SLC1A6: variants seen among roughly 807,000 people sequenced by gnomAD.
SLC1A6 encodes solute carrier family 1 member 6, also known as excitatory amino acid transporter 4.
In SLC1A6, 15 loss-of-function variants were observed where a neutral mutation model predicts 42.1. The ratio of observed to expected loss-of-function variants is 0.36; its 90% CI spans 0.24 to 0.55. SLC1A6 has a LOEUF of 0.55. SLC1A6 is among the 20% of genes least tolerant of loss of function. The pLI, the probability that SLC1A6 is intolerant of heterozygous loss-of-function variation, is 0.88. For synonymous variants in SLC1A6, 317 were observed against 319.7 expected, an observed-to-expected ratio of 0.99 and a Z score of 0.09; for missense variants, 542 against 772.5, an observed-to-expected ratio of 0.70 and a Z score of 3.54.
rs551561031 is a variant in SLC1A6 at position 14,964,323 on chromosome 19, T to A, written c.587A>T (p.Lys196Ile). 4 of 1,613,798 alleles carry A rather than the reference T, an allele frequency of 2.5e-6. No individual in the cohort carries two copies. In the South Asian group the frequency reaches 4.4e-5, roughly 18 times the overall value. Residue 196 changes from lysine to isoleucine, a missense_variant, in exon 5 of 10, where the codon AAA becomes ATA. By Grantham distance (102) the Lys-to-Ile change is moderately radical (BLOSUM62 -3). Transcript: ENST00000594383. ...AACTGTGTACTTCCCCCTGACCTGTTTGAAGCAGGCCTCCACAAGGTTTGG... is the reference window on the plus strand; with the variant it reads ...AACTGTGTACTTCCCCCTGACCTGTATGAAGCAGGCCTCCACAAGGTTTGG... The part of the protein sequence containing the change: ...FPPNLVEACF[K>I]QFKTQYSTRV...
At chr19:14,988,141 A>G (rs1336056550) in intron 1 of SLC1A6, among the ~76,000 whole-genome samples, 2 of 152,180 alleles carry the variant, frequency 1.3e-5, no homozygotes, top group Non-Finnish European at 2.9e-5. Context: ...GTCTGCTGTT[A>G]GCTTCCCTAT....
chr19:14,964,147 C>T, intron 5 of SLC1A6, 172 bp downstream of exon 5: 1 of 614,670 alleles, frequency 1.6e-6, no homozygotes, highest in Admixed American at 2.4e-5. Context: ...TTCTCCCTAA[C>T]CCCCCCAGAT....
In SLC1A6 at chr19:14,953,989, T is replaced by C. The variant is rs2045437105; in HGVS notation, c.1364+146A>G. On this transcript the variant is annotated intron_variant, in intron 8 of 9. Transcript: ENST00000594383. ...TACCTTTCACCTACCTCATCCGGCA[T>C]TGGGCTCTTCCCACATCCCGCTTCC... The C allele has an allele frequency of 4.3e-6, 3 of 690,144 alleles. No homozygotes were observed. The South Asian group carries it at 5.8e-5, about 13-fold the overall frequency. 42.8% of individuals were successfully genotyped at this position (690,144 alleles called of 1,614,324 possible).
intron 1 of SLC1A6, among the ~76,000 whole-genome samples, chr19:14,991,621 C>CA (rs34838245): frequency 0.019 from 2,521 of 135,502 alleles, 31 homozygotes; most frequent in Non-Finnish European, 0.029. Context: ...GACTCTGTGT[C>CA]AAAAAAAAAA....
intron 2 of SLC1A6, 160 bp downstream of exon 2, chr19:14,972,546 G>T: frequency 1.6e-6 from 1 of 629,696 alleles, no homozygotes; most frequent in Admixed American, 2.8e-5. Flanking sequence ...TCATCTGTGT[G>T]GTGTGTCTTT....
At chr19:14,988,204 T>C (rs866555542) in intron 1 of SLC1A6, among the ~76,000 whole-genome samples, 6 of 152,138 alleles carry the variant, frequency 3.9e-5, no homozygotes, top group African/African-American at 1.2e-4. Context: ...ACTGTTTTAC[T>C]GGGGCCCGTT....
intron 2 of SLC1A6, 84 bp from the exon 3 acceptor site, chr19:14,971,958 G>T: frequency 7.1e-7 from 1 of 1,399,276 alleles, no homozygotes; most frequent in South Asian, 1.2e-5. Context: ...GAAGGGTAGG[G>T]CAAGGGTGGG....
intron 9 of SLC1A6, among the ~76,000 whole-genome samples, chr19:14,952,313 C>T (rs985651358): frequency 6.6e-6 from 1 of 151,292 alleles, no homozygotes; most frequent in African/African-American, 2.4e-5. Flanking sequence ...CTTTGGGAGG[C>T]TGAGGCAGGT....
At position 14,968,292 on chromosome 19, in the gene SLC1A6, G is replaced by C. The variant is rs11668879; in HGVS notation, c.548+11C>G. ...CAAATGTGTATATTGTGGTTTTTTA[G>C]GTTGGCACACCTGATCAGGTCCATG... On this transcript the variant is annotated intron_variant, in intron 4 of 9. Coordinates refer to ENST00000594383, the MANE Select transcript of SLC1A6 (RefSeq NM_005071.3). 7 of 1,599,106 alleles carry C rather than the reference G, an allele frequency of 4.4e-6. No individual in the cohort carries two copies. In the East Asian group the frequency reaches 1.3e-4, roughly 31 times the overall value.
chr19:14,983,908 A>C (rs1481586493), upstream of SLC1A6, among the ~76,000 whole-genome samples: 2 of 152,038 alleles, frequency 1.3e-5, no homozygotes, highest in Non-Finnish European at 2.9e-5. Flanking sequence ...AAATAAAACA[A>C]AGTATATATC....
intron 1 of SLC1A6, among the ~76,000 whole-genome samples, chr19:15,008,073 G>GTGGC (rs1220687104): frequency 6.6e-6 from 1 of 151,146 alleles, no homozygotes; most frequent in African/African-American, 2.4e-5. Context: ...TCTGGGTGCA[G>GTGGC]TGGCTCAGGC....
intron 8 of SLC1A6, 98 bp downstream of exon 8, chr19:14,954,036 GC>G (rs1246856057): frequency 9.6e-7 from 1 of 1,040,606 alleles, no homozygotes; most frequent in Non-Finnish European, 1.4e-6. Flanking sequence ...GCTCCTCTGA[GC>G]TCCAGCTGAG....
At position 14,966,919 on chromosome 19, in the gene SLC1A6, C is replaced by T. The variant is rs370131847; in HGVS notation, c.548+1384G>A. 1.3e-4 allele frequency among the ~76,000 whole-genome samples: 20 copies of T among 152,134 alleles called. No individual in the cohort carries two copies. In the South Asian group the frequency reaches 4.2e-3, roughly 32 times the overall value. On this transcript the variant is annotated intron_variant, in intron 4 of 9. Transcript: ENST00000594383. ...GGAGGGGGAGCATTAGGACAAATAC[C>T]TAATGCATGCGGGGCTTAAAACCTA...
intron 4 of SLC1A6, among the ~76,000 whole-genome samples, chr19:14,965,321 G>C (rs560643108): frequency 1.2e-3 from 179 of 152,214 alleles, no homozygotes; most frequent in African/African-American, 4.1e-3. Flanking sequence ...GCCTGGCTGA[G>C]AGATTTCTTA....
intron 1 of SLC1A6, among the ~76,000 whole-genome samples, chr19:14,998,958 G>T (rs58087059): frequency 2.0e-5 from 3 of 151,478 alleles, no homozygotes; most frequent in Admixed American, 6.6e-5. Context: ...GCTCACTGCA[G>T]CCTCCGCCTC....
intron 1 of SLC1A6, among the ~76,000 whole-genome samples, chr19:15,010,172 CAAGACTCTATGAAAAAAAAAAA>C (rs571510551): frequency 0.2 from 25,828 of 126,318 alleles, 2,824 homozygotes; most frequent in East Asian, 0.5. Flanking sequence ...GACGACAGTG[CAAGACTCTATGAAAAAAAAAAA>C]AAAGAAAGAA....
chr19:14,965,247 C>T lies in SLC1A6; in HGVS notation c.549-886G>A, dbSNP rs1016280035. 4.6e-5 allele frequency among the ~76,000 whole-genome samples: 7 copies of T among 152,116 alleles called. No homozygotes were observed. The East Asian group carries it at 1.4e-3, about 29-fold the overall frequency. On this transcript the variant is annotated intron_variant, in intron 4 of 9. Coordinates refer to ENST00000594383, the MANE Select transcript of SLC1A6 (RefSeq NM_005071.3). The stretch of plus-strand genomic sequence containing the variant: ...TGTTAGGCAGGATGGTCTCAATCTC[C>T]TGACCTCATGATCTGCCTGCCTCAG...
chr19:14,975,357 CCT>C (rs1220426482), intron 1 of SLC1A6: 3 of 119,288 alleles, frequency 2.5e-5, no homozygotes, highest in Non-Finnish European at 5.4e-5. Flanking sequence ...TGCTAATTAC[CCT>C]GATTTGATCT....
At chr19:14,998,216 T>C (rs2045856349) in intron 1 of SLC1A6, among the ~76,000 whole-genome samples, 1 of 152,136 alleles carries the variant, frequency 6.6e-6, no homozygotes, top group Non-Finnish European at 1.5e-5. Flanking sequence ...CCCTTTGGAA[T>C]TCAGGCATAG....
Sources: gnomAD v4.1 joint callset for allele counts (sites outside exome capture counted in the v4.1 genomes callset) on GRCh38, gnomAD v4.1.1 for gene constraint, MANE v1.5 for transcripts, NCBI Gene and HGNC (gene_info 2026-07-23, HGNC 2026-07-21) for gene names.